Variants in CMC2 observed in about 807,000 individuals in gnomAD.
The protein encoded by CMC2 is C-X9-C motif containing 2, also known as COX assembly mitochondrial protein 2 homolog.
CMC2 carries 5 observed loss-of-function variants against 7.5 expected under a neutral mutation model. The ratio of observed to expected loss-of-function variants is 0.66; its 90% confidence interval spans 0.35 to 1.40. The LOEUF is 1.40. Among genes scored for constraint, CMC2 ranks in the 40% most tolerant of loss-of-function variants. CMC2 has a pLI of 0.04. For missense variants in CMC2, 115 were observed against 92.3 expected (o/e 1.25, Z -1.01); for synonymous variants, 37 against 31.4 (o/e 1.18, Z -0.60).
chr16:80,992,249 G>A (rs1018047600), intron 2 of CMC2, among the ~76,000 whole-genome samples: 2 of 152,100 alleles, frequency 1.3e-5, no homozygotes, highest in Admixed American at 6.5e-5. Context: ...ACCATAGGTC[G>A]TTCAACTACT....
chr16:81,000,369 G>A (rs919064317), intron 1 of CMC2, among the ~76,000 whole-genome samples: 2 of 152,064 alleles, frequency 1.3e-5, no homozygotes, highest in Non-Finnish European at 2.9e-5. Flanking sequence ...GGTGGCGGGC[G>A]CCTGTAGTCC....
At chr16:80,997,679 C>A in intron 1 of CMC2, 2 of 250,850 alleles carry the variant, frequency 8.0e-6, no homozygotes, top group Non-Finnish European at 1.5e-5. Context: ...CTCAAGAGAC[C>A]CAATCCCGGA....
intron 1 of CMC2, among the ~76,000 whole-genome samples, chr16:81,005,960 G>A (rs978315223): frequency 6.6e-6 from 1 of 152,128 alleles, no homozygotes; most frequent in Non-Finnish European, 1.5e-5. Flanking sequence ...AACGCAGTAG[G>A]AAAAGGATGA....
rs894850023 is a variant in CMC2, at chr16:80,967,218, A to G, written c.*8875T>C. The G allele has an allele frequency of 6.6e-6, 1 of 152,282 alleles. No homozygotes were observed. The highest frequency in any genetic ancestry group is 1.5e-5 in the Non-Finnish European group (1 of 68,056). The allele number at this position is 152,282 out of a possible 1,614,324, so 9.4% of individuals were successfully genotyped here. On this transcript the variant is annotated 3_prime_UTR_variant, in exon 4 of 4. Coordinates refer to ENST00000219400, the MANE Select transcript of CMC2 (RefSeq NM_020188.5). ...AATTCCATGTATCATGAACTTGCTC[A>G]TAAATTATCTGCTAGCTTAACTAAA...
chr16:80,979,697 C>A (rs916947591), intron 3 of CMC2, among the ~76,000 whole-genome samples: 1 of 151,906 alleles, frequency 6.6e-6, no homozygotes, highest in South Asian at 2.1e-4. Context: ...CTGGGCTCAC[C>A]GCAACCTCCG....
chr16:80,996,438 C>T (rs945569849), intron 2 of CMC2, among the ~76,000 whole-genome samples: 18 of 152,180 alleles, frequency 1.2e-4, no homozygotes, highest in South Asian at 4.1e-4. Context: ...AAAATCAAAA[C>T]GTTATGTTTT....
chr16:80,995,562 C>G (rs1968345827), intron 2 of CMC2, among the ~76,000 whole-genome samples: 1 of 152,082 alleles, frequency 6.6e-6, no homozygotes, highest in Non-Finnish European at 1.5e-5. Flanking sequence ...CAAACTGAGA[C>G]AGGAGAAACA....
chr16:80,985,901 C>CAAAAAAAAAAAAA (rs57915291), intron 2 of CMC2, among the ~76,000 whole-genome samples: 12 of 104,988 alleles, frequency 1.1e-4, no homozygotes, highest in East Asian at 6.3e-4. Context: ...CATATACCTG[C>CAAAAAAAAAAAAA]AAAAAAAAAA....
intron 1 of CMC2, among the ~76,000 whole-genome samples, chr16:81,002,305 A>C (rs1189039533): frequency 6.6e-6 from 1 of 152,078 alleles, no homozygotes; most frequent in Non-Finnish European, 1.5e-5. Flanking sequence ...GGGCGCCTGT[A>C]ATCCCAGCTA....
At chr16:81,006,708 G>C in intron 1 of CMC2, 26 bp downstream of exon 1, 4 of 985,438 alleles carry the variant, frequency 4.1e-6, no homozygotes, top group Non-Finnish European at 4.8e-6. Flanking sequence ...AACGCGTTCG[G>C]AACGGCCTGG....
chr16:80,994,220 C>T (rs1022547791), intron 2 of CMC2, among the ~76,000 whole-genome samples: 2 of 151,934 alleles, frequency 1.3e-5, no homozygotes, highest in African/African-American at 2.4e-5. Context: ...TAAGAATACA[C>T]AAATATCAAA....
chr16:80,987,031 G>C (rs1306530130), intron 2 of CMC2, among the ~76,000 whole-genome samples: 3 of 152,206 alleles, frequency 2.0e-5, no homozygotes, highest in Non-Finnish European at 4.4e-5. Flanking sequence ...TTTTGAGAGG[G>C]AATCAATTGC....
chr16:80,976,555 C>T (rs1164122097), intron 3 of CMC2, among the ~76,000 whole-genome samples: 1 of 152,176 alleles, frequency 6.6e-6, no homozygotes, highest in Non-Finnish European at 1.5e-5. Context: ...CCTCTAACTT[C>T]TGCTGAGTAC....
chr16:80,998,527 T>C (rs1420555007), intron 1 of CMC2: 4 of 152,220 alleles, frequency 2.6e-5, no homozygotes. Flanking sequence ...CACTTCCGGC[T>C]ATATTTTCAT....
In CMC2 at chr16:80,973,363, A is replaced by G. The variant is rs1206372925; in HGVS notation, c.*2730T>C. The G allele has an allele frequency of 6.6e-6, 1 of 152,162 alleles. No homozygotes were observed. The highest frequency in any genetic ancestry group is 1.5e-5 in the Non-Finnish European group (1 of 68,048). 9.4% of individuals were successfully genotyped at this position (152,162 alleles called of 1,614,324 possible). A position where few individuals can be genotyped will look rare whatever the true frequency, so the allele number is the denominator to read the frequency against. On this transcript the variant is annotated 3_prime_UTR_variant, in exon 4 of 4. Transcript: ENST00000219400. ...ACCAAACTACGGAGGAAGTGTTTCC[A>G]ATACCCCAATTTGGGTGCACTTGAG...
intron 3 of CMC2, among the ~76,000 whole-genome samples, chr16:80,981,146 A>AT (rs894072145): frequency 5.3e-5 from 8 of 151,980 alleles, no homozygotes; most frequent in African/African-American, 1.7e-4. Context: ...GCCATCATAT[A>AT]TTTTTAAAAG....
chr16:80,985,002 A>T (rs1472576041), intron 2 of CMC2, among the ~76,000 whole-genome samples: 1 of 152,220 alleles, frequency 6.6e-6, no homozygotes, highest in Non-Finnish European at 1.5e-5. Flanking sequence ...CCAACCGAGT[A>T]ACTGATTGAA....
At chr16:80,989,212 AG>A (rs1315344674) in intron 2 of CMC2, among the ~76,000 whole-genome samples, 2 of 152,238 alleles carry the variant, frequency 1.3e-5, no homozygotes, top group Non-Finnish European at 2.9e-5. Context: ...CACTAGTATG[AG>A]GATCTATTAA....
At chr16:80,993,140 C>A (rs544070777) in intron 2 of CMC2, among the ~76,000 whole-genome samples, 110 of 152,272 alleles carry the variant, frequency 7.2e-4, no homozygotes, top group African/African-American at 2.5e-3. Context: ...TGTCCCCATG[C>A]TATTTACTTA....
Sources: gnomAD v4.1 joint callset for allele counts (sites outside exome capture counted in the v4.1 genomes callset) on GRCh38, gnomAD v4.1.1 for gene constraint, MANE v1.5 for transcripts, NCBI Gene and HGNC (gene_info 2026-07-23, HGNC 2026-07-21) for gene names.